FNIP2: variants seen among roughly 807,000 people sequenced by gnomAD.
FNIP2 encodes the protein folliculin interacting protein 2.
Under a neutral mutation model 108.7 loss-of-function variants are expected in FNIP2, and 32 were observed. The ratio of observed to expected loss-of-function variants is 0.29; its 90% CI spans 0.22 to 0.40. The LOEUF is 0.40. Among genes scored for constraint, FNIP2 ranks in the 10% least tolerant of loss-of-function variants. The pLI is 1.00. For synonymous variants in FNIP2, 480 were observed against 496.7 expected (o/e 0.97, Z 0.45); for missense variants, 1,202 against 1,381.6 (o/e 0.87, Z 2.06).
intron 7 of FNIP2, among the ~76,000 whole-genome samples, chr4:158,844,688 G>GT (rs1334564388): frequency 3.9e-5 from 6 of 152,206 alleles, no homozygotes; most frequent in Admixed American, 3.9e-4. Flanking sequence ...TAAGTGTTCA[G>GT]TAAATATTCG....
intron 8 of FNIP2, among the ~76,000 whole-genome samples, chr4:158,852,292 C>T (rs1426486749): frequency 6.6e-6 from 1 of 152,200 alleles, no homozygotes; most frequent in Non-Finnish European, 1.5e-5. Context: ...CAGGGACAAG[C>T]TGAGAAACTG....
chr4:158,891,730 A>G, intron 15 of FNIP2, 84 bp downstream of exon 15: 1 of 1,284,966 alleles, frequency 7.8e-7, no homozygotes, highest in Non-Finnish European at 1.1e-6. Flanking sequence ...CACAAATTCA[A>G]AAGTACTGTT....
chr4:158,890,596 T>A (rs1388059391), intron 14 of FNIP2, among the ~76,000 whole-genome samples: 1 of 152,238 alleles, frequency 6.6e-6, no homozygotes, highest in Admixed American at 6.5e-5. Flanking sequence ...GGCAAAGCTG[T>A]ATATCTCTTT....
At chr4:158,810,530 G>T (rs984525813) in intron 1 of FNIP2, among the ~76,000 whole-genome samples, 2 of 152,194 alleles carry the variant, frequency 1.3e-5, no homozygotes, top group African/African-American at 4.8e-5. Flanking sequence ...AGACTGATAA[G>T]AGTGAATGAA....
chr4:158,871,719 A>G (rs1780958800), intron 14 of FNIP2: 2 of 985,390 alleles, frequency 2.0e-6, no homozygotes, highest in Non-Finnish European at 2.4e-6. Flanking sequence ...GGATGAAACT[A>G]TGAAGTTGCT....
rs553274079 is a variant in FNIP2 at position 158,862,642 on chromosome 4, C to A, written c.1465+866C>A. 3.1e-3 allele frequency among the ~76,000 whole-genome samples: 469 copies of A among 152,250 alleles called. 3 individuals carry two copies. Among genetic ancestry groups the A allele is most frequent in the Non-Finnish European group, 5.6e-3 (381 of 68,008 alleles). On this transcript the variant is annotated intron_variant, in intron 12 of 16. Transcript: ENST00000264433. ...TCAGAGAAAGCTAGAAGAGAGGTTT[C>A]AAATGTTCCCAACACAAAGAAATGA...
chr4:158,770,997 A>G (rs1191354155), intron 1 of FNIP2, among the ~76,000 whole-genome samples: 2 of 152,168 alleles, frequency 1.3e-5, no homozygotes, highest in African/African-American at 2.4e-5. Flanking sequence ...AAATATGGCT[A>G]TATTTAGGGT....
chr4:158,871,830 AC>A, intron 14 of FNIP2: 1 of 985,282 alleles, frequency 1.0e-6, no homozygotes, highest in South Asian at 4.7e-5. Context: ...TGCATCAATG[AC>A]CCCTGTAAGA....
chr4:158,904,085 A>C (rs572888211), intron 16 of FNIP2, among the ~76,000 whole-genome samples: 4 of 152,342 alleles, frequency 2.6e-5, no homozygotes, highest in African/African-American at 9.6e-5. Flanking sequence ...ATCAGTATGC[A>C]TTTAGAAGTG....
intron 7 of FNIP2, among the ~76,000 whole-genome samples, chr4:158,842,511 C>T (rs1031603653): frequency 5.9e-5 from 9 of 152,122 alleles, no homozygotes; most frequent in African/African-American, 2.2e-4. Context: ...ACACCTCTTT[C>T]TTAGAGCCCA....
Position 158,869,075 on chromosome 4 carries a change from C to T in FNIP2, c.2439C>T (p.Leu813=). The change falls in exon 13 of 17, where the codon CTC becomes CTT. Residue 813 remains leucine (L), a synonymous_variant. Coordinates refer to ENST00000264433, the MANE Select transcript of FNIP2 (RefSeq NM_020840.3). The part of the protein sequence containing the change: ...NDMAADIAGQ[L]SHAADLGTAS... ...TGGCAGCAGATATTGCTGGGCAGCT[C>T]AGCCACGCTGCTGACTTGGGCACAG... 6.2e-7 allele frequency: 1 copy of T among 1,614,012 alleles called. No individual in the cohort carries two copies.
Position 158,870,382 on chromosome 4 carries a change from A to T in FNIP2, c.2862A>T (p.Thr954=). The T allele has an allele frequency of 6.2e-7, 1 of 1,614,050 alleles. No homozygotes were observed. The highest frequency in any genetic ancestry group is 8.5e-7 in the Non-Finnish European group (1 of 1,179,890). Residue 954 remains threonine (T), a synonymous_variant, in exon 14 of 17, where the codon ACA becomes ACT. Transcript: ENST00000264433. ...GRSLLAGYCP[T]YMPDLVLHGT... ...CACTTCTGGCGGGCTACTGCCCCACATACATGCCTGATCTTGTGCTTCATG... is the reference window on the plus strand; with the variant it reads ...CACTTCTGGCGGGCTACTGCCCCACTTACATGCCTGATCTTGTGCTTCATG...
At chr4:158,888,676 G>A (rs1186465086) in intron 14 of FNIP2, among the ~76,000 whole-genome samples, 1 of 152,052 alleles carries the variant, frequency 6.6e-6, no homozygotes, top group African/African-American at 2.4e-5. Context: ...ATCACTTGAG[G>A]CCAGGAGTTA....
rs1317216712 is a variant in FNIP2 at position 158,817,545 on chromosome 4, T to G, written c.108-8371T>G. Among the ~76,000 whole-genome samples the G allele has an allele frequency of 4.6e-5, 7 of 152,086 alleles. No homozygotes were observed. In the South Asian group the frequency reaches 1.0e-3, roughly 22 times the overall value. Reference sequence around the variant, plus strand: ...AATTTTAGTCCCACCCCATTTCCCATTTTTTCTTTTTTCTTTTTTCAGACA... The same window carrying G: ...AATTTTAGTCCCACCCCATTTCCCAGTTTTTCTTTTTTCTTTTTTCAGACA... On this transcript the variant is annotated intron_variant, in intron 1 of 16. Coordinates refer to ENST00000264433, the MANE Select transcript of FNIP2 (RefSeq NM_020840.3).
chr4:158,769,311 C>T lies in FNIP2; in HGVS notation c.99C>T (p.Pro33=), dbSNP rs767636963. 1.3e-6 allele frequency: 2 copies of T among 1,506,622 alleles called. No homozygotes were observed. Among genetic ancestry groups the T allele is most frequent in the African/African-American group, 1.4e-5 (1 of 70,298 alleles). 93.3% of individuals were successfully genotyped at this position (1,506,622 alleles called of 1,614,324 possible). The change falls in exon 1 of 17, where the codon CCC becomes CCT. Residue 33 remains proline, a synonymous_variant. Transcript: ENST00000264433. ...SAQGRAPKEG[P]AFSWSCSEFD... Reference sequence around the variant, plus strand: ...AGGGCAGGGCTCCTAAGGAAGGACCCGCCTTTAGGTGAGGGGGCGCCGGGG... The same window carrying T: ...AGGGCAGGGCTCCTAAGGAAGGACCTGCCTTTAGGTGAGGGGGCGCCGGGG...
intron 14 of FNIP2, among the ~76,000 whole-genome samples, chr4:158,880,972 A>G (rs1337283704): frequency 6.6e-6 from 1 of 152,180 alleles, no homozygotes; most frequent in Non-Finnish European, 1.5e-5. Context: ...TCTTTGCATG[A>G]CTGACTAAAG....
At chr4:158,898,777 C>G (rs760965399) in intron 16 of FNIP2, among the ~76,000 whole-genome samples, 13 of 152,200 alleles carry the variant, frequency 8.5e-5, no homozygotes, top group Non-Finnish European at 1.5e-4. Flanking sequence ...ATGTCATCTG[C>G]AAACAGAGAC....
chr4:158,903,152 G>A (rs1729500014), intron 16 of FNIP2, among the ~76,000 whole-genome samples: 1 of 152,220 alleles, frequency 6.6e-6, no homozygotes, highest in Admixed American at 6.5e-5. Flanking sequence ...TGTGGGTCAT[G>A]AAGACCATGG....
chr4:158,782,513 C>T (rs1353792268), intron 1 of FNIP2, among the ~76,000 whole-genome samples: 5 of 145,300 alleles, frequency 3.4e-5, no homozygotes, highest in Non-Finnish European at 7.7e-5. Context: ...ATATCAGGAG[C>T]TTCCTTTTTG....
Sources: gnomAD v4.1 joint callset for allele counts (sites outside exome capture counted in the v4.1 genomes callset) on GRCh38, gnomAD v4.1.1 for gene constraint, MANE v1.5 for transcripts, NCBI Gene and HGNC (gene_info 2026-07-23, HGNC 2026-07-21) for gene names.